DLGAP1: variants seen among roughly 807,000 people sequenced by gnomAD.
DLGAP1 encodes the protein DLG associated protein 1, also known as disks large-associated protein 1.
A neutral mutation model predicts 90.8 loss-of-function variants in DLGAP1; 11 were observed. The observed-to-expected ratio is 0.12, with a 90% CI of 0.08 to 0.20. DLGAP1 has a LOEUF of 0.20. Among genes scored for constraint, DLGAP1 ranks in the 10% least tolerant of loss-of-function variants. The pLI is 1.00. For synonymous variants in DLGAP1, 558 were observed against 540.7 expected (o/e 1.03, Z -0.44); for missense variants, 1,050 against 1,333.8 (o/e 0.79, Z 3.31).
At chr18:4,099,555 C>G (rs917996613) in intron 2 of DLGAP1, among the ~76,000 whole-genome samples, 1 of 152,042 alleles carries the variant, frequency 6.6e-6, no homozygotes, top group Non-Finnish European at 1.5e-5. Context: ...TACTTTATTG[C>G]TAAAAATGCT....
intron 2 of DLGAP1, among the ~76,000 whole-genome samples, chr18:4,070,651 TA>T (rs1156377432): frequency 2.0e-5 from 3 of 151,842 alleles, no homozygotes; most frequent in Non-Finnish European, 4.4e-5. Context: ...TAATATAAGA[TA>T]AAATAGAATT....
intron 7 of DLGAP1, among the ~76,000 whole-genome samples, chr18:3,706,289 C>T (rs374233): frequency 0.016 from 2,367 of 152,250 alleles, 61 homozygotes; most frequent in African/African-American, 0.054. Flanking sequence ...TGAGCCACCA[C>T]GCCTGGCAAA....
intron 1 of DLGAP1, among the ~76,000 whole-genome samples, chr18:4,262,584 A>G (rs2079023718): frequency 1.3e-5 from 2 of 151,990 alleles, no homozygotes; most frequent in Admixed American, 1.3e-4. Context: ...TGTTCAAATG[A>G]CTCCTGATCC....
intron 1 of DLGAP1, among the ~76,000 whole-genome samples, chr18:4,343,135 G>C (rs942501003): frequency 6.6e-6 from 1 of 151,808 alleles, no homozygotes; most frequent in Non-Finnish European, 1.5e-5. Flanking sequence ...GTGAAACTCC[G>C]TCTCTACTAA....
intron 3 of DLGAP1, among the ~76,000 whole-genome samples, chr18:3,886,056 C>G (rs2071304157): frequency 6.6e-6 from 1 of 152,104 alleles, no homozygotes; most frequent in Non-Finnish European, 1.5e-5. Context: ...TTTAGAGCTG[C>G]TTTTCTTGAT....
At chr18:3,726,611 T>C (rs2062190634) in intron 7 of DLGAP1, among the ~76,000 whole-genome samples, 1 of 152,238 alleles carries the variant, frequency 6.6e-6, no homozygotes, top group Non-Finnish European at 1.5e-5. Context: ...AAATATCCTA[T>C]GTGCTTACTT....
intron 1 of DLGAP1, among the ~76,000 whole-genome samples, chr18:4,169,335 T>TA (rs1313213783): frequency 6.6e-6 from 1 of 152,206 alleles, no homozygotes; most frequent in Non-Finnish European, 1.5e-5. Context: ...TATATTTCCC[T>TA]AATGAGGATA....
rs1166736294 is a variant in DLGAP1 at position 4,272,352 on chromosome 18, T to TGGGTTAAAGCCA, written c.-266-121077_-266-121066dup. 7.9e-5 allele frequency among the ~76,000 whole-genome samples: 12 copies of TGGGTTAAAGCCA among 152,338 alleles called. No individual in the cohort carries two copies. The East Asian group carries it at 1.9e-3, about 24-fold the overall frequency. On this transcript the variant is annotated intron_variant, in intron 1 of 12. Coordinates refer to ENST00000315677, the MANE Select transcript of DLGAP1 (RefSeq NM_004746.4). ...GTTTATTTTACCTTTTTTTGTTCTTTGGGTTAAAGCCAGGAGAGATTTTTA... is the reference window on the plus strand; with the variant it reads ...GTTTATTTTACCTTTTTTTGTTCTTTGGGTTAAAGCCAGGGTTAAAGCCAGGAGAGATTTTTA...
At chr18:3,957,547 G>C (rs1739143727) in intron 3 of DLGAP1, among the ~76,000 whole-genome samples, 1 of 151,970 alleles carries the variant, frequency 6.6e-6, no homozygotes, top group Non-Finnish European at 1.5e-5. Context: ...ATGTATCTTA[G>C]ATATTTTTAA....
chr18:3,826,298 A>G (rs1361501225), intron 4 of DLGAP1, among the ~76,000 whole-genome samples: 1 of 152,232 alleles, frequency 6.6e-6, no homozygotes, highest in Non-Finnish European at 1.5e-5. Context: ...CTCTGCTGTC[A>G]TGAGGAAGGG....
At chr18:4,102,392 G>C (rs2075794127) in intron 2 of DLGAP1, among the ~76,000 whole-genome samples, 1 of 152,148 alleles carries the variant, frequency 6.6e-6, no homozygotes, top group South Asian at 2.1e-4. Context: ...ATTGGGTTTA[G>C]GCATATGCTT....
At position 3,834,237 on chromosome 18, in the gene DLGAP1, C is replaced by T. The variant is rs1037537860; in HGVS notation, c.958-19964G>A. On this transcript the variant is annotated intron_variant, in intron 4 of 12. Coordinates refer to ENST00000315677, the MANE Select transcript of DLGAP1 (RefSeq NM_004746.4). ...AGGAGACTGGCGTGAACCCAGGAGG[C>T]GGAGCTTGCAGTGAGCCGAGATCGC... is the stretch of plus-strand genomic sequence containing the variant. Among the ~76,000 whole-genome samples the T allele has an allele frequency of 3.4e-4, 45 of 131,626 alleles. 1 individual carries two copies. Among genetic ancestry groups the T allele is most frequent in the East Asian group, 1.5e-3 (6 of 3,954 alleles). 86.4% of individuals were successfully genotyped at this position (131,626 alleles called of 152,430 possible).
At chr18:4,259,367 T>C (rs1390687196) in intron 1 of DLGAP1, among the ~76,000 whole-genome samples, 1 of 152,238 alleles carries the variant, frequency 6.6e-6, no homozygotes, top group Non-Finnish European at 1.5e-5. Flanking sequence ...AAAAGTCATT[T>C]AGAAGACAGT....
At chr18:3,543,917 T>C (rs1291717469) in intron 9 of DLGAP1, among the ~76,000 whole-genome samples, 2 of 152,176 alleles carry the variant, frequency 1.3e-5, no homozygotes, top group African/African-American at 2.4e-5. Context: ...CGGGTCCCAA[T>C]AGCATATTCA....
At chr18:3,862,461 A>G (rs7244051) in intron 4 of DLGAP1, among the ~76,000 whole-genome samples, 76,195 of 152,086 alleles carry the variant, frequency 0.5, 21,395 homozygotes, top group Non-Finnish European at 0.63. Context: ...ACCGCCCAAA[A>G]CTCAGCGTGA....
At chr18:4,255,762 T>C (rs1329964874) in intron 1 of DLGAP1, among the ~76,000 whole-genome samples, 4 of 152,118 alleles carry the variant, frequency 2.6e-5, no homozygotes, top group East Asian at 3.9e-4. Context: ...AAACTATACT[T>C]TTCCCCAAAT....
intron 1 of DLGAP1, among the ~76,000 whole-genome samples, chr18:4,404,818 G>A (rs1258681304): frequency 6.6e-6 from 1 of 152,150 alleles, no homozygotes. Context: ...AGTCCCACAT[G>A]CTAGACATGG....
chr18:3,500,896 A>AT (rs2049894124), intron 12 of DLGAP1, among the ~76,000 whole-genome samples: 2 of 151,820 alleles, frequency 1.3e-5, no homozygotes, highest in African/African-American at 4.8e-5. Context: ...ATACATTTGG[A>AT]TTTTTTAAAC....
Position 4,171,492 on chromosome 18 carries a change from A to G in DLGAP1, c.-266-20205T>C, listed in dbSNP as rs895819941. On this transcript the variant is annotated intron_variant, in intron 1 of 12. Transcript: ENST00000315677. ...AGGCAGGAGAATGGCGTGAACTCGG[A>G]AGGCGAAGCTTGCAGTGAGCCGAGA... Among the ~76,000 whole-genome samples, 63 of 151,788 alleles carry G rather than the reference A, an allele frequency of 4.2e-4. 2 individuals carry two copies. The highest frequency in any genetic ancestry group is 3.4e-3 in the Middle Eastern group (1 of 294).
Sources: gnomAD v4.1 joint callset for allele counts (sites outside exome capture counted in the v4.1 genomes callset) on GRCh38, gnomAD v4.1.1 for gene constraint, MANE v1.5 for transcripts, NCBI Gene and HGNC (gene_info 2026-07-23, HGNC 2026-07-21) for gene names.